Variants in DESI2 observed in about 807,000 individuals in gnomAD.
DESI2 encodes the protein desumoylating isopeptidase 2.
In DESI2, 10 loss-of-function variants were observed where a neutral mutation model predicts 24.1. The observed-to-expected ratio is 0.41, with a 90% CI of 0.26 to 0.70. DESI2 has a LOEUF of 0.70. Ranked by LOEUF, DESI2 falls within the 30% of genes least tolerant of loss-of-function variation. The pLI, the probability that DESI2 is intolerant of heterozygous loss-of-function variation, is 0.29. For synonymous variants in DESI2, 71 were observed against 87.7 expected, an observed-to-expected ratio of 0.81 and a Z score of 1.06; for missense variants, 122 against 234.9, an observed-to-expected ratio of 0.52 and a Z score of 3.14.
At chr1:244,694,362 A>G (rs914843041) in intron 4 of DESI2, 4 of 596,888 alleles carry the variant, frequency 6.7e-6, no homozygotes, top group Non-Finnish European at 1.3e-5. Context: ...TAAAGTTCAA[A>G]CTTTAGTATT....
At chr1:244,701,679 ATTT>A (rs757986181) in intron 4 of DESI2, among the ~76,000 whole-genome samples, 2 of 152,122 alleles carry the variant, frequency 1.3e-5, no homozygotes, top group Non-Finnish European at 2.9e-5. Flanking sequence ...ATGTCTATAA[ATTT>A]TATTCTCTGC....
chr1:244,665,197 C>G (rs1676001037), intron 1 of DESI2, among the ~76,000 whole-genome samples: 1 of 151,738 alleles, frequency 6.6e-6, no homozygotes, highest in Non-Finnish European at 1.5e-5. Flanking sequence ...CAGTATGCCA[C>G]TATACTAAGC....
rs763076526 is a variant in DESI2 at position 244,705,938 on chromosome 1, T to TAA, written c.*149_*150insAA. 14 of 613,366 alleles carry TAA rather than the reference T, an allele frequency of 2.3e-5. No homozygotes were observed. The highest frequency in any genetic ancestry group is 3.1e-5 in the Admixed American group (1 of 32,546). The allele number at this position is 613,366 out of a possible 1,614,324, so 38.0% of individuals were successfully genotyped here. A position where few individuals can be genotyped will look rare whatever the true frequency, so the allele number is the denominator to read the frequency against. ...TTTCAGCTCAGGATTATATTTGTAA[T>TAA]CAAAAAAAAAAAATCACTTGGCGCA... is the stretch of plus-strand genomic sequence containing the variant. On this transcript the variant is annotated 3_prime_UTR_variant, in exon 5 of 5. Coordinates refer to ENST00000302550, the MANE Select transcript of DESI2 (RefSeq NM_016076.5).
At chr1:244,698,438 C>T (rs1677304754) in intron 4 of DESI2, among the ~76,000 whole-genome samples, 1 of 152,150 alleles carries the variant, frequency 6.6e-6, no homozygotes, top group Non-Finnish European at 1.5e-5. Flanking sequence ...ATTTTCTAGC[C>T]TGATGTGCAT....
intron 1 of DESI2, among the ~76,000 whole-genome samples, chr1:244,676,417 T>G (rs1676417816): frequency 6.6e-6 from 1 of 152,152 alleles, no homozygotes; most frequent in Admixed American, 6.5e-5. Flanking sequence ...CCCTGCAATG[T>G]TTTTAACTTA....
intron 1 of DESI2, among the ~76,000 whole-genome samples, chr1:244,680,870 T>G (rs936240681): frequency 1.3e-5 from 2 of 151,978 alleles, no homozygotes; most frequent in Non-Finnish European, 2.9e-5. Flanking sequence ...AACAAAATGG[T>G]GATTGCCTAA....
chr1:244,673,989 CTTTTTT>C (rs143887006), intron 1 of DESI2, among the ~76,000 whole-genome samples: 1 of 73,206 alleles, frequency 1.4e-5, no homozygotes, highest in African/African-American at 5.2e-5. Context: ...ACTTCTGTCT[CTTTTTT>C]TTTTTTTTTT....
chr1:244,687,219 T>G (rs1458810197), intron 2 of DESI2, among the ~76,000 whole-genome samples: 1 of 152,212 alleles, frequency 6.6e-6, no homozygotes, highest in Non-Finnish European at 1.5e-5. Flanking sequence ...TCATGCCCTT[T>G]GTCATTAACT....
At chr1:244,697,345 C>CA (rs35728775) in intron 4 of DESI2, among the ~76,000 whole-genome samples, 4 of 151,282 alleles carry the variant, frequency 2.6e-5, no homozygotes, top group Non-Finnish European at 5.9e-5. Flanking sequence ...CCGTCTCTAC[C>CA]AAAAAATGTA....
chr1:244,667,351 T>A (rs554315810), intron 1 of DESI2, among the ~76,000 whole-genome samples: 173 of 152,048 alleles, frequency 1.1e-3, no homozygotes, highest in Non-Finnish European at 1.5e-3. Context: ...AACAGAGGGG[T>A]TAAAGGGCCC....
chr1:244,666,342 C>T (rs532961477), intron 1 of DESI2, among the ~76,000 whole-genome samples: 5 of 152,210 alleles, frequency 3.3e-5, no homozygotes, highest in Non-Finnish European at 1.5e-5. Flanking sequence ...TCTCTCCTAT[C>T]TATACAAGGA....
chr1:244,693,815 C>T (rs1018138694), intron 4 of DESI2, among the ~76,000 whole-genome samples: 8 of 152,146 alleles, frequency 5.3e-5, no homozygotes, highest in Admixed American at 4.6e-4. Context: ...AGTGCTGGAA[C>T]TAGAATTCTG....
intron 4 of DESI2, chr1:244,694,337 C>A (rs113422702): frequency 8.9e-4 from 471 of 527,100 alleles, no homozygotes; most frequent in African/African-American, 8.3e-3. Flanking sequence ...TATATGGTGA[C>A]ATGTATAAAT....
intron 1 of DESI2, chr1:244,654,158 G>GC: frequency 2.6e-6 from 1 of 384,496 alleles, no homozygotes; most frequent in South Asian, 2.0e-5. Flanking sequence ...GCAGTGAAAT[G>GC]CCCCCAGAAA....
Position 244,683,895 on chromosome 1 carries a change from G to A in DESI2, c.43-2702G>A, listed in dbSNP as rs1438987007. Among the ~76,000 whole-genome samples, 5 of 149,094 alleles carry A rather than the reference G, an allele frequency of 3.4e-5. No individual in the cohort carries two copies. The East Asian group carries it at 9.8e-4, about 29-fold the overall frequency. Reference sequence around the variant, plus strand: ...AATTTTTTTTTTTTTTTAAGAGATTGGGTCTCCCTGTGTTGCCTAGGGGGG... The same window carrying A: ...AATTTTTTTTTTTTTTTAAGAGATTAGGTCTCCCTGTGTTGCCTAGGGGGG... On this transcript the variant is annotated intron_variant, in intron 1 of 4. Coordinates refer to ENST00000302550, the MANE Select transcript of DESI2 (RefSeq NM_016076.5).
intron 1 of DESI2, among the ~76,000 whole-genome samples, chr1:244,655,747 G>T (rs901235402): frequency 6.6e-6 from 1 of 152,224 alleles, no homozygotes; most frequent in African/African-American, 2.4e-5. Flanking sequence ...CAATTGACGT[G>T]AACAAAATGG....
intron 4 of DESI2, among the ~76,000 whole-genome samples, chr1:244,692,222 A>G (rs964598832): frequency 6.6e-6 from 1 of 152,110 alleles, no homozygotes; most frequent in African/African-American, 2.4e-5. Flanking sequence ...TGGTAATTCT[A>G]TTCATTACTT....
rs563436259 is a variant in DESI2, at chr1:244,686,749, CTCTT to C, written c.115+82_115+85del. On this transcript the variant is annotated intron_variant, in intron 2 of 4. Transcript: ENST00000302550. ...GTTGCAAAATCATAACTATAGGTCT[CTCTT>C]TTTTTAACCACTTGCATATGTTATT... 916 of 854,490 alleles carry C rather than the reference CTCTT, an allele frequency of 1.1e-3. 3 individuals carry two copies. Among genetic ancestry groups the C allele is most frequent in the African/African-American group, 6.4e-3 (375 of 58,710 alleles). 52.9% of individuals were successfully genotyped at this position (854,490 alleles called of 1,614,324 possible).
At chr1:244,680,785 G>A (rs1676583203) in intron 1 of DESI2, among the ~76,000 whole-genome samples, 1 of 152,142 alleles carries the variant, frequency 6.6e-6, no homozygotes, top group African/African-American at 2.4e-5. Context: ...TTGAGACATT[G>A]TGTATATCAT....
Sources: gnomAD v4.1 joint callset for allele counts (sites outside exome capture counted in the v4.1 genomes callset) on GRCh38, gnomAD v4.1.1 for gene constraint, MANE v1.5 for transcripts, NCBI Gene and HGNC (gene_info 2026-07-23, HGNC 2026-07-21) for gene names.